ANO1: variants seen among roughly 807,000 people sequenced by gnomAD.
ANO1 encodes the protein anoctamin-1.
Under a neutral mutation model 124.0 loss-of-function variants are expected in ANO1, and 59 were observed. The ratio of observed to expected loss-of-function variants is 0.48; its 90% CI spans 0.39 to 0.59. The LOEUF is 0.59. Among genes scored for constraint, ANO1 ranks in the 20% least tolerant of loss-of-function variants. The probability of loss-of-function intolerance (pLI) is 0.00; values close to 1 mark genes in which losing one functional copy is unlikely to be tolerated. For synonymous variants in ANO1, 529 were observed against 532.0 expected (o/e 0.99, Z 0.08); for missense variants, 1,059 against 1,328.0 (o/e 0.80, Z 3.15).
At chr11:69,971,956 C>T in the ANO1 span, among the ~76,000 whole-genome samples, 1 of 152,068 alleles carries the variant, frequency 6.6e-6, no homozygotes, top group Non-Finnish European at 1.5e-5. Context: ...CGCGGTGGCT[C>T]ACACCTGTAA....
At chr11:70,026,342 G>T (rs955282874) in intron 1 of ANO1, among the ~76,000 whole-genome samples, 1 of 149,820 alleles carries the variant, frequency 6.7e-6, no homozygotes, top group Admixed American at 6.6e-5. Context: ...GGTGGTGGTG[G>T]TGGTGGTGAC....
Position 70,092,775 on chromosome 11 carries a change from C to A in ANO1, c.441+4691C>A, listed in dbSNP as rs182527197. On this transcript the variant is annotated intron_variant, in intron 2 of 25. Coordinates refer to ENST00000355303, the MANE Select transcript of ANO1 (RefSeq NM_018043.7). ...CCAAGGGTGACCCCAGACCAAGACCCCAGGGCCGGCTCCAGAGAGCCAAGA... is the reference window on the plus strand; with the variant it reads ...CCAAGGGTGACCCCAGACCAAGACCACAGGGCCGGCTCCAGAGAGCCAAGA... 3.1e-3 allele frequency among the ~76,000 whole-genome samples: 479 copies of A among 152,296 alleles called. 1 individual carries two copies. Among genetic ancestry groups the A allele is most frequent in the African/African-American group, 0.011 (465 of 41,566 alleles).
At chr11:70,093,541 C>T (rs561296974) in intron 2 of ANO1, among the ~76,000 whole-genome samples, 134 of 152,278 alleles carry the variant, frequency 8.8e-4, no homozygotes, top group Admixed American at 2.5e-3. Flanking sequence ...TGCTGGGGGG[C>T]GGCTGAGGCC....
intron 12 of ANO1, 73 bp downstream of exon 12, chr11:70,149,865 T>G: frequency 6.6e-7 from 1 of 1,525,218 alleles, no homozygotes; most frequent in Non-Finnish European, 9.0e-7. Context: ...TCCTTGGGAC[T>G]TACACGGAGG....
At chr11:70,157,835 G>A (rs989889202) in intron 16 of ANO1, among the ~76,000 whole-genome samples, 2 of 151,932 alleles carry the variant, frequency 1.3e-5, no homozygotes, top group African/African-American at 4.8e-5. Context: ...ACAAAAATTA[G>A]CTGGCGTGGT....
At chr11:70,084,630 C>T (rs1397834557) in intron 1 of ANO1, among the ~76,000 whole-genome samples, 1 of 152,206 alleles carries the variant, frequency 6.6e-6, no homozygotes, top group East Asian at 1.9e-4. Context: ...ACTACACGGC[C>T]TGCCATGAAG....
At chr11:70,170,855 G>C in intron 21 of ANO1, 32 bp from the exon 22 acceptor site, 1 of 1,606,074 alleles carries the variant, frequency 6.2e-7, no homozygotes, top group African/African-American at 1.3e-5. Context: ...GTGGCTCACG[G>C]GGTGCTGACT....
upstream of ANO1, chr11:70,075,501 C>G (rs1182133109): frequency 6.6e-6 from 1 of 152,032 alleles, no homozygotes; most frequent in Non-Finnish European, 1.5e-5. Context: ...GACACCTGTA[C>G]CTGTATCTGT....
intron 1 of ANO1, among the ~76,000 whole-genome samples, chr11:70,024,853 T>G (rs1030507494): frequency 6.6e-6 from 1 of 152,214 alleles, no homozygotes; most frequent in African/African-American, 2.4e-5. Flanking sequence ...ATAGATAGAC[T>G]TGTCTGCTTC....
At position 70,165,338 on chromosome 11, in the gene ANO1, G is replaced by A. The variant is rs969023877; in HGVS notation, c.1951-132G>A. ...AATAAGGCCACGTTCCCAGGTGGCG[G>A]GGATTAGAACCTGAGCGTCTTTTTT... On this transcript the variant is annotated intron_variant, in intron 19 of 25. Transcript: ENST00000355303. 4 of 717,400 alleles carry A rather than the reference G, an allele frequency of 5.6e-6. No homozygotes were observed. In the Admixed American group the frequency reaches 1.0e-4, roughly 18 times the overall value. The allele number at this position is 717,400 out of a possible 1,614,324, so 44.4% of individuals were successfully genotyped here.
exon 1 of ANO1, chr11:69,985,990 C>T (rs1856032296): frequency 6.6e-6 from 1 of 152,164 alleles, no homozygotes; most frequent in Non-Finnish European, 1.5e-5. Flanking sequence ...AGTCCCCTCC[C>T]GAGCTAGGCT....
chr11:70,185,698 G>T lies in ANO1; in HGVS notation c.2694+3G>T. The stretch of plus-strand genomic sequence containing the variant: ...TGGCGTTTGTCATCGTCTTCCAGGT[G>T]CGGTGGGTCCCTCTTTGTTTCCGGT... On this transcript the variant is annotated splice_donor_region_variant and intron_variant, in intron 25 of 25. Coordinates refer to ENST00000355303, the MANE Select transcript of ANO1 (RefSeq NM_018043.7). The T allele has an allele frequency of 6.2e-7, 1 of 1,613,604 alleles. No homozygotes were observed. The highest frequency in any genetic ancestry group is 8.5e-7 in the Non-Finnish European group (1 of 1,179,556).
chr11:70,117,998 A>G (rs2046058736), intron 8 of ANO1, among the ~76,000 whole-genome samples: 1 of 152,196 alleles, frequency 6.6e-6, no homozygotes, highest in Non-Finnish European at 1.5e-5. Flanking sequence ...ATCCTGTTGG[A>G]AAAGGACCAT....
At chr11:70,183,807 T>G (rs564169399) in intron 24 of ANO1, among the ~76,000 whole-genome samples, 1 of 152,318 alleles carries the variant, frequency 6.6e-6, no homozygotes, top group Non-Finnish European at 1.5e-5. Context: ...TCAAGCTCCG[T>G]AGGCAAGGGC....
intron 2 of ANO1, among the ~76,000 whole-genome samples, chr11:70,093,189 TTCTCTCTCTCCTTTCTTCCCCC>T (rs1465153056): frequency 6.6e-6 from 1 of 150,712 alleles, no homozygotes; most frequent in Non-Finnish European, 1.5e-5. Context: ...CCTTTCTCTC[TTCTCTCTCTCCTTTCTTCCCCC>T]TCTCTCTCTC....
At chr11:70,118,746 T>C (rs948243960) in intron 8 of ANO1, among the ~76,000 whole-genome samples, 4 of 145,770 alleles carry the variant, frequency 2.7e-5, no homozygotes, top group Admixed American at 1.4e-4. Context: ...AATGAGTGGA[T>C]GGACAGATGG....
intron 1 of ANO1, among the ~76,000 whole-genome samples, chr11:69,995,379 G>A (rs1565156349): frequency 6.6e-6 from 1 of 152,136 alleles, no homozygotes; most frequent in African/African-American, 2.4e-5. Flanking sequence ...TTACAGGCAT[G>A]AGCCACCATG....
At chr11:70,134,278 G>A (rs955943618) in intron 11 of ANO1, among the ~76,000 whole-genome samples, 1 of 152,158 alleles carries the variant, frequency 6.6e-6, no homozygotes, top group African/African-American at 2.4e-5. Context: ...ATTTCAGGTG[G>A]TCCATAGCAT....
intron 1 of ANO1, among the ~76,000 whole-genome samples, chr11:70,001,648 G>A (rs1259603112): frequency 6.6e-6 from 1 of 152,210 alleles, no homozygotes; most frequent in Non-Finnish European, 1.5e-5. Flanking sequence ...GAAACCAGAA[G>A]AGTGCCCTGA....
Sources: gnomAD v4.1 joint callset for allele counts (sites outside exome capture counted in the v4.1 genomes callset) on GRCh38, gnomAD v4.1.1 for gene constraint, MANE v1.5 for transcripts, NCBI Gene and HGNC (gene_info 2026-07-23, HGNC 2026-07-21) for gene names.